Variants in TICRR observed in about 807,000 individuals in gnomAD.
TICRR encodes TOPBP1 interacting checkpoint and replication regulator, also known as treslin.
TICRR carries 132 observed loss-of-function variants against 178.1 expected under a neutral mutation model. The ratio of observed to expected loss-of-function variants is 0.74; its 90% CI spans 0.64 to 0.86. The LOEUF (loss-of-function observed/expected upper bound fraction) is 0.86, where lower values mean the gene tolerates loss of function less well. Ranked by LOEUF, TICRR falls within the 40% of genes least tolerant of loss-of-function variation. The probability of loss-of-function intolerance (pLI) is 0.00; values close to 1 mark genes in which losing one functional copy is unlikely to be tolerated. For synonymous variants in TICRR, 991 were observed against 900.7 expected, an observed-to-expected ratio of 1.10 and a Z score of -1.79; for missense variants, 2,587 against 2,334.3, an observed-to-expected ratio of 1.11 and a Z score of -2.23.
intron 7 of TICRR, among the ~76,000 whole-genome samples, 199 bp downstream of exon 7, chr15:89,595,810 C>T (rs1962988328): frequency 6.6e-6 from 1 of 152,016 alleles, no homozygotes; most frequent in Admixed American, 6.5e-5. Flanking sequence ...TTGTGGTGAG[C>T]CGAGATTGCA....
At chr15:89,578,391 G>C (rs897724052) in intron 1 of TICRR, among the ~76,000 whole-genome samples, 5 of 152,178 alleles carry the variant, frequency 3.3e-5, no homozygotes, top group Admixed American at 1.3e-4. Flanking sequence ...GGTTTGTCAA[G>C]AAAAGGAAGG....
rs199854381 is a variant in TICRR at position 89,594,425 on chromosome 15, G to C, written c.1552G>C (p.Ala518Pro). ...ATCTTGACTTCACAGGTTACTACAG[G>C]CTGCCTCAGCTAATAAGGAAGAGTC... ...DLMESFGLLQ[A>P]ASANKEESSK... Residue 518 changes from alanine to proline, a missense_variant, in exon 6 of 22, where the codon GCT becomes CCT. Physicochemically the swap from Ala to Pro is conservative, Grantham distance 27. Coordinates refer to ENST00000268138, the MANE Select transcript of TICRR (RefSeq NM_152259.4). 53 of 1,611,178 alleles carry C rather than the reference G, an allele frequency of 3.3e-5. No homozygotes were observed. In the Middle Eastern group the frequency reaches 1.6e-3, roughly 50 times the overall value.
rs1213776765 is a variant in TICRR, at chr15:89,625,473, G to A, written c.5163G>A (p.Lys1721=). The part of the protein sequence containing the change: ...GSLSLLESEG[K]DHGLELSIHR... Reference sequence around the variant, plus strand: ...TGTCACTGCTTGAGTCAGAGGGCAAGGACCACGGCCTTGAACTCAGCATCC... The same window carrying A: ...TGTCACTGCTTGAGTCAGAGGGCAAAGACCACGGCCTTGAACTCAGCATCC... The change falls in exon 20 of 22, where the codon AAG becomes AAA. Residue 1721 remains lysine (K), a synonymous_variant. Transcript: ENST00000268138. 1.2e-6 allele frequency: 2 copies of A among 1,613,938 alleles called. No homozygotes were observed. Among genetic ancestry groups the A allele is most frequent in the Non-Finnish European group, 1.7e-6 (2 of 1,180,008 alleles).
At chr15:89,600,291 C>T (rs1316651362) in intron 8 of TICRR, among the ~76,000 whole-genome samples, 4 of 152,150 alleles carry the variant, frequency 2.6e-5, no homozygotes, top group Admixed American at 2.6e-4. Context: ...CTAAAGCAAA[C>T]AGGAGGATTT....
chr15:89,586,103 G>T (rs181686852), intron 4 of TICRR, among the ~76,000 whole-genome samples, 161 bp downstream of exon 4: 3 of 152,136 alleles, frequency 2.0e-5, no homozygotes. Context: ...ATTATTTATA[G>T]AATTCCTTAA....
rs145565248 is a variant in TICRR, at chr15:89,625,620, G to C, written c.5310G>C (p.Leu1770Phe). Residue 1770 changes from leucine (L) to phenylalanine (F), a missense_variant, in exon 20 of 22, where the codon TTG becomes TTC. By Grantham distance (22) the Leu-to-Phe change is conservative. Coordinates refer to ENST00000268138, the MANE Select transcript of TICRR (RefSeq NM_152259.4). ...EEASSWGQFGLSSRKRVLLAK... is the reference protein window; with the variant it reads ...EEASSWGQFGFSSRKRVLLAK... Reference sequence around the variant, plus strand: ...CCTCTTCCTGGGGACAGTTTGGGTTGAGTTCCAGGAAGAGAGTCCTGTTGG... The same window carrying C: ...CCTCTTCCTGGGGACAGTTTGGGTTCAGTTCCAGGAAGAGAGTCCTGTTGG... 3.5e-4 allele frequency: 568 copies of C among 1,613,294 alleles called. 2 individuals carry two copies. In the African/African-American group the frequency reaches 7.0e-3, roughly 20 times the overall value.
chr15:89,597,202 C>G (rs1447334197), intron 7 of TICRR, among the ~76,000 whole-genome samples: 1 of 152,030 alleles, frequency 6.6e-6, no homozygotes, highest in South Asian at 2.1e-4. Context: ...TAGTCTTCCA[C>G]TATTGTATTG....
intron 4 of TICRR, among the ~76,000 whole-genome samples, chr15:89,588,958 C>A (rs1423216448): frequency 6.6e-6 from 1 of 152,074 alleles, no homozygotes; most frequent in East Asian, 1.9e-4. Context: ...GATACCAGCC[C>A]ACCTCAGGGC....
chr15:89,586,003 G>A (rs185371124), intron 4 of TICRR, 61 bp downstream of exon 4: 20 of 1,329,288 alleles, frequency 1.5e-5, no homozygotes, highest in South Asian at 9.7e-5. Context: ...TTCAAGCATC[G>A]GGACTTTTTC....
At chr15:89,602,299 A>T (rs1388795897) in intron 12 of TICRR, among the ~76,000 whole-genome samples, 1 of 152,112 alleles carries the variant, frequency 6.6e-6, no homozygotes, top group African/African-American at 2.4e-5. Flanking sequence ...ATTTATGTAT[A>T]TTTTTTCATA....
intron 7 of TICRR, among the ~76,000 whole-genome samples, chr15:89,599,095 G>A (rs774644645): frequency 2.0e-5 from 3 of 151,716 alleles, no homozygotes; most frequent in Non-Finnish European, 4.4e-5. Flanking sequence ...ATAATTCTTC[G>A]TTGTAGGGCT....
Position 89,624,893 on chromosome 15 carries a change from C to T in TICRR, c.4583C>T (p.Thr1528Ile). 1 of 1,614,104 alleles carries T rather than the reference C, an allele frequency of 6.2e-7. No homozygotes were observed. The highest frequency in any genetic ancestry group is 8.5e-7 in the Non-Finnish European group (1 of 1,180,004). ...ATGCCTTCCCGTGACGTGCACTGTA[C>T]CACAGATGGGAGACAGTGCCAGGCT... ...PLMPSRDVHC[T>I]TDGRQCQASA... The change falls in exon 20 of 22, where the codon ACC (threonine) becomes ATC (isoleucine). Residue 1528 changes from threonine (T) to isoleucine (I), a missense_variant. By Grantham distance (89) the Thr-to-Ile change is moderately conservative. Transcript: ENST00000268138.
chr15:89,594,832 C>T (rs1044059949), intron 6 of TICRR, among the ~76,000 whole-genome samples: 1 of 151,950 alleles, frequency 6.6e-6, no homozygotes, highest in African/African-American at 2.4e-5. Flanking sequence ...CTTTTGCTAC[C>T]TTGCCTTTTT....
At chr15:89,583,829 G>A (rs1484338922) in intron 2 of TICRR, among the ~76,000 whole-genome samples, 2 of 138,540 alleles carry the variant, frequency 1.4e-5, no homozygotes, top group Non-Finnish European at 3.3e-5. Flanking sequence ...TGGGACTAAA[G>A]GCATGAGCCA....
chr15:89,602,791 A>T lies in TICRR; in HGVS notation c.2568-5A>T. On this transcript the variant is annotated splice_polypyrimidine_tract_variant and splice_region_variant and intron_variant, in intron 12 of 21. Transcript: ENST00000268138. ...GTATGTATTAACTATTTCTATTTTT[A>T]AAAGGAAAAATGCATTAATAAGACA... is the stretch of plus-strand genomic sequence containing the variant. The T allele has an allele frequency of 7.0e-7, 1 of 1,435,888 alleles. No individual in the cohort carries two copies. Among genetic ancestry groups the T allele is most frequent in the Non-Finnish European group, 9.2e-7 (1 of 1,085,334 alleles). 88.9% of individuals were successfully genotyped at this position (1,435,888 alleles called of 1,614,324 possible).
intron 15 of TICRR, among the ~76,000 whole-genome samples, chr15:89,614,504 A>AT (rs1216237891): frequency 1.3e-5 from 2 of 151,684 alleles, no homozygotes; most frequent in Non-Finnish European, 2.9e-5. Flanking sequence ...TAATTTTTGT[A>AT]TTTTTTTGTA....
intron 7 of TICRR, 83 bp from the exon 8 acceptor site, chr15:89,599,241 C>A: frequency 7.9e-6 from 7 of 891,320 alleles, no homozygotes; most frequent in East Asian, 1.1e-4. Context: ...GAAATATTTT[C>A]CCCAGTGGAC....
intron 11 of TICRR, 35 bp downstream of exon 11, chr15:89,601,603 T>C: frequency 1.2e-6 from 2 of 1,612,772 alleles, no homozygotes; most frequent in Non-Finnish European, 1.7e-6. Flanking sequence ...ACTTTAAAAT[T>C]GTTTTGTCAA....
chr15:89,587,679 G>T (rs1962844576), intron 4 of TICRR, among the ~76,000 whole-genome samples: 1 of 152,164 alleles, frequency 6.6e-6, no homozygotes, highest in Admixed American at 6.5e-5. Context: ...ACTGAGCAAT[G>T]TGGATGCTCG....
Sources: allele counts gnomAD v4.1 joint callset (sites outside exome capture counted in the v4.1 genomes callset), GRCh38; gene constraint gnomAD v4.1.1; transcripts MANE v1.5; gene names NCBI Gene and HGNC (gene_info 2026-07-23, HGNC 2026-07-21).